Variants in HEG1 observed in about 807,000 individuals in gnomAD.
HEG1 encodes protein HEG homolog 1.
HEG1 carries 56 observed loss-of-function variants against 125.6 expected under a neutral mutation model. The ratio of observed to expected loss-of-function variants is 0.45; its 90% CI spans 0.36 to 0.56. The LOEUF (loss-of-function observed/expected upper bound fraction) is 0.56. Among genes scored for constraint, HEG1 ranks in the 20% least tolerant of loss-of-function variants. HEG1 has a pLI of 0.00. For synonymous variants in HEG1, 644 were observed against 668.5 expected, an observed-to-expected ratio of 0.96 and a Z score of 0.57; for missense variants, 1,523 against 1,670.0, an observed-to-expected ratio of 0.91 and a Z score of 1.53.
intron 1 of HEG1, among the ~76,000 whole-genome samples, chr3:125,054,617 C>A (rs967510444): frequency 3.9e-5 from 6 of 152,184 alleles, no homozygotes; most frequent in Admixed American, 2.6e-4. Context: ...TTGAATAGCC[C>A]GGACAGAGCA....
chr3:124,997,735 G>T lies in HEG1; in HGVS notation c.3606C>A (p.Cys1202Ter). Residue 1202 changes from cysteine to a stop codon, truncating the protein, a stop_gained, in exon 12 of 17, where the codon TGC (cysteine) becomes TGA (stop). Transcript: ENST00000311127. LOFTEE classifies it high-confidence loss of function. ...TGTTGAACTGAAAGTATCCCGACTT[G>T]CACTGGCACAGGGCAACGCCGTCCA... ...TDLDGVALCQ[C>*]KSGYFQFNKM... The T allele has an allele frequency of 6.3e-7, 1 of 1,595,660 alleles. No individual in the cohort carries two copies. The highest frequency in any genetic ancestry group is 8.6e-7 in the Non-Finnish European group (1 of 1,167,442).
chr3:125,010,580 G>C, intron 6 of HEG1, 25 bp from the exon 7 acceptor site: 1 of 1,377,504 alleles, frequency 7.3e-7, no homozygotes, highest in Non-Finnish European at 1.0e-6. Flanking sequence ...CAGGAGTAAA[G>C]CAGTTAACCA....
chr3:124,967,974 T>TGC lies in HEG1; in HGVS notation c.*2676_*2677dup, dbSNP rs1402485648. Reference sequence around the variant, plus strand: ...TGCAGTGTGTGACGGGACACACAGATGCCCCTGCGCCCGGCTCCTCTCTAT... The same window carrying TGC: ...TGCAGTGTGTGACGGGACACACAGATGCGCCCCTGCGCCCGGCTCCTCTCTAT... On this transcript the variant is annotated 3_prime_UTR_variant, in exon 17 of 17. Transcript: ENST00000311127. The TGC allele has an allele frequency of 6.6e-6, 1 of 152,344 alleles. No homozygotes were observed. The highest frequency in any genetic ancestry group is 1.5e-5 in the Non-Finnish European group (1 of 68,132). The allele number at this position is 152,344 out of a possible 1,614,324, so 9.4% of individuals were successfully genotyped here.
intron 10 of HEG1, 48 bp from the exon 11 acceptor site, chr3:125,002,060 G>C (rs1205390396): frequency 6.2e-7 from 1 of 1,605,300 alleles, no homozygotes; most frequent in East Asian, 2.2e-5. Context: ...ATGACACGTG[G>C]GTCCCAAGGC....
intron 15 of HEG1, among the ~76,000 whole-genome samples, chr3:124,976,350 C>A (rs944212861): frequency 1.3e-5 from 2 of 152,084 alleles, no homozygotes; most frequent in East Asian, 3.8e-4. Flanking sequence ...CCACACCCAG[C>A]TAATTTTTTA....
chr3:125,021,754 AC>A (rs1234700356), intron 3 of HEG1, among the ~76,000 whole-genome samples: 1 of 152,202 alleles, frequency 6.6e-6, no homozygotes, highest in African/African-American at 2.4e-5. Context: ...AAGACTATTA[AC>A]CAAACTGCAT....
intron 1 of HEG1, among the ~76,000 whole-genome samples, chr3:125,044,351 G>A (rs1349575247): frequency 6.6e-5 from 10 of 152,194 alleles, no homozygotes; most frequent in Admixed American, 2.0e-4. Context: ...AAGCAAGGAC[G>A]GGGGCTGAAA....
In HEG1 at chr3:124,966,642, A is replaced by G. The variant is rs1936318835; in HGVS notation, c.*4010T>C. ...TTCAAGTAAAATACAAAGTATTGAAATACTGAACTTTGCATTCTTCCTCTT... is the reference window on the plus strand; with the variant it reads ...TTCAAGTAAAATACAAAGTATTGAAGTACTGAACTTTGCATTCTTCCTCTT... On this transcript the variant is annotated 3_prime_UTR_variant, in exon 17 of 17. Coordinates refer to ENST00000311127, the MANE Select transcript of HEG1 (RefSeq NM_020733.2). 6.6e-6 allele frequency: 1 copy of G among 152,250 alleles called. No homozygotes were observed. Among genetic ancestry groups the G allele is most frequent in the South Asian group, 2.1e-4 (1 of 4,830 alleles). 9.4% of individuals were successfully genotyped at this position (152,250 alleles called of 1,614,324 possible).
At chr3:125,008,126 T>C (rs986237291) in intron 8 of HEG1, among the ~76,000 whole-genome samples, 2 of 152,146 alleles carry the variant, frequency 1.3e-5, no homozygotes, top group African/African-American at 4.8e-5. Context: ...ACCAGGCTGG[T>C]CTTGAATTCC....
rs1474121747 is a variant in HEG1 at position 125,055,687 on chromosome 3, C to G, written c.204G>C (p.Pro68=). The G allele has an allele frequency of 9.0e-7, 1 of 1,115,032 alleles. No homozygotes were observed. Among genetic ancestry groups the G allele is most frequent in the Admixed American group, 5.0e-5 (1 of 19,802 alleles). The allele number at this position is 1,115,032 out of a possible 1,614,324, so 69.1% of individuals were successfully genotyped here. A position where few individuals can be genotyped will look rare whatever the true frequency, so the allele number is the denominator to read the frequency against. The part of the protein sequence containing the change: ...RRPEREPPPT[P]PRERRGPATP... ...TCGCGGGCCCGCGGCGCTCCCGGGG[C>G]GGCGTGGGCGGCGGCTCGCGCTCCG... The change falls in exon 1 of 17, where the codon CCG becomes CCC. Residue 68 remains proline (P), a synonymous_variant. Transcript: ENST00000311127.
At chr3:125,036,637 C>A (rs534703488) in intron 1 of HEG1, among the ~76,000 whole-genome samples, 12 of 152,234 alleles carry the variant, frequency 7.9e-5, no homozygotes, top group African/African-American at 2.4e-4. Flanking sequence ...CTAAGATGTA[C>A]CCCTTGTAGA....
At chr3:124,987,562 G>A (rs1335186729) in intron 14 of HEG1, among the ~76,000 whole-genome samples, 1 of 138,786 alleles carries the variant, frequency 7.2e-6, no homozygotes, top group African/African-American at 2.8e-5. Context: ...TCGCTGTGTC[G>A]CCCGGGCCAG....
intron 5 of HEG1, chr3:125,014,977 C>G: frequency 7.9e-7 from 1 of 1,270,940 alleles, no homozygotes; most frequent in Non-Finnish European, 1.0e-6. Flanking sequence ...GAACTGTCAC[C>G]TAGTGCTTGG....
chr3:124,971,314 C>T (rs1159839070), intron 16 of HEG1, among the ~76,000 whole-genome samples: 1 of 152,232 alleles, frequency 6.6e-6, no homozygotes, highest in Non-Finnish European at 1.5e-5. Context: ...TGTGGAACAG[C>T]TTGTCTACCC....
intron 8 of HEG1, among the ~76,000 whole-genome samples, chr3:125,007,216 A>G (rs949230042): frequency 4.0e-5 from 6 of 151,534 alleles, no homozygotes; most frequent in Non-Finnish European, 8.8e-5. Context: ...AAAAAAAAAA[A>G]AAAAGAAATT....
chr3:124,988,357 A>G (rs535420563), intron 14 of HEG1, among the ~76,000 whole-genome samples: 1 of 152,314 alleles, frequency 6.6e-6, no homozygotes, highest in East Asian at 1.9e-4. Flanking sequence ...CAAATCTCCA[A>G]AATACTCAAG....
intron 1 of HEG1, among the ~76,000 whole-genome samples, chr3:125,037,546 A>T (rs2333032): frequency 0.19 from 29,407 of 152,210 alleles, 3,412 homozygotes; most frequent in Non-Finnish European, 0.27. Context: ...GCCTAACTAC[A>T]CTCAGTAACA....
intron 16 of HEG1, among the ~76,000 whole-genome samples, chr3:124,972,881 T>C (rs1936470041): frequency 6.6e-6 from 1 of 152,138 alleles, no homozygotes; most frequent in Non-Finnish European, 1.5e-5. Flanking sequence ...ACATAGCAAA[T>C]TATTAAAGGC....
intron 16 of HEG1, 134 bp from the exon 17 acceptor site, chr3:124,970,935 T>G (rs1936412524): frequency 1.3e-6 from 1 of 766,934 alleles, no homozygotes; most frequent in African/African-American, 1.8e-5. Flanking sequence ...TTCTACCAAT[T>G]ATTTCTAATT....
Sources: allele counts gnomAD v4.1 joint callset (sites outside exome capture counted in the v4.1 genomes callset), GRCh38; gene constraint gnomAD v4.1.1; transcripts MANE v1.5; gene names NCBI Gene and HGNC (gene_info 2026-07-23, HGNC 2026-07-21).